Variants in TRIP11 observed in about 807,000 individuals in gnomAD.
TRIP11 encodes the protein thyroid receptor-interacting protein 11.
In TRIP11, 148 loss-of-function variants were observed where a neutral mutation model predicts 223.1. That is an observed-to-expected ratio of 0.66 (90% CI 0.58 to 0.76). The LOEUF (loss-of-function observed/expected upper bound fraction) is 0.76. Ranked by LOEUF, TRIP11 falls within the 30% of genes least tolerant of loss-of-function variation. The pLI is 0.00. For synonymous variants in TRIP11, 762 were observed against 772.6 expected, an observed-to-expected ratio of 0.99 and a Z score of 0.23; for missense variants, 2,043 against 2,222.0, an observed-to-expected ratio of 0.92 and a Z score of 1.62.
intron 17 of TRIP11, 50 bp from the exon 18 acceptor site, chr14:91,975,336 A>T (rs1236216793): frequency 2.6e-6 from 3 of 1,160,724 alleles, no homozygotes; most frequent in South Asian, 2.5e-5. Context: ...CATTAAGTAC[A>T]CTCAAACACT....
At chr14:91,970,394 C>T (rs566728050) in intron 20 of TRIP11, among the ~76,000 whole-genome samples, 21 of 151,318 alleles carry the variant, frequency 1.4e-4, no homozygotes, top group Non-Finnish European at 2.9e-4. Context: ...GCCTGGGTGG[C>T]AAGAGCAAAG....
Position 91,978,354 on chromosome 14 carries a change from A to C in TRIP11, c.5261-2165T>G, listed in dbSNP as rs1566844816. ...CTACAGAAAGATAGCAGAAAAACAGAGGTCAAGCTTAGCTAACCTACCTCC... is the reference window on the plus strand; with the variant it reads ...CTACAGAAAGATAGCAGAAAAACAGCGGTCAAGCTTAGCTAACCTACCTCC... On this transcript the variant is annotated intron_variant, in intron 16 of 20. Coordinates refer to ENST00000267622, the MANE Select transcript of TRIP11 (RefSeq NM_004239.4). The surrounding 1 kb of genome is among the most constrained non-coding windows in gnomAD (Gnocchi z 4.4). 6.6e-6 allele frequency among the ~76,000 whole-genome samples: 1 copy of C among 152,122 alleles called. No individual in the cohort carries two copies. Among genetic ancestry groups the C allele is most frequent in the Non-Finnish European group, 1.5e-5 (1 of 68,008 alleles).
chr14:91,981,116 A>G (rs1022853077), intron 16 of TRIP11, among the ~76,000 whole-genome samples: 2 of 145,424 alleles, frequency 1.4e-5, no homozygotes, highest in African/African-American at 2.6e-5. Context: ...CCCAGGTTCA[A>G]GCAATTCTCC....
chr14:92,009,732 C>T (rs2056948349), intron 9 of TRIP11, among the ~76,000 whole-genome samples: 1 of 152,142 alleles, frequency 6.6e-6, no homozygotes, highest in African/African-American at 2.4e-5. Context: ...TTGAGAAACA[C>T]TGCATATATA....
intron 4 of TRIP11, among the ~76,000 whole-genome samples, chr14:92,018,947 CAA>C (rs1214628276): frequency 1.0e-5 from 1 of 100,368 alleles, no homozygotes; most frequent in Non-Finnish European, 1.8e-5. Context: ...GTAGACAGAG[CAA>C]GACTCCATCT....
intron 6 of TRIP11, among the ~76,000 whole-genome samples, 192 bp downstream of exon 6, chr14:92,015,504 C>T (rs1273524862): frequency 6.6e-6 from 1 of 151,578 alleles, no homozygotes; most frequent in Non-Finnish European, 1.5e-5. Flanking sequence ...ACTAAAAATA[C>T]AAAAATTAGC....
chr14:91,984,864 A>G (rs2056586137), intron 16 of TRIP11, among the ~76,000 whole-genome samples: 1 of 152,232 alleles, frequency 6.6e-6, no homozygotes, highest in Non-Finnish European at 1.5e-5. Flanking sequence ...ATGGGATGGC[A>G]TGTGAAGTCT....
At chr14:92,021,272 C>G (rs1329439875) in intron 4 of TRIP11, among the ~76,000 whole-genome samples, 3 of 151,420 alleles carry the variant, frequency 2.0e-5, no homozygotes, top group Admixed American at 1.3e-4. Flanking sequence ...GCCTATAATC[C>G]CAGCTACTCA....
intron 16 of TRIP11, among the ~76,000 whole-genome samples, chr14:91,981,012 A>ATATTT (rs1301331303): frequency 6.0e-5 from 3 of 49,930 alleles, no homozygotes; most frequent in Non-Finnish European, 8.4e-5. Flanking sequence ...ATATATATAT[A>ATATTT]TTTTTTTTTT....
At chr14:91,987,412 C>T (rs945494882) in intron 16 of TRIP11, among the ~76,000 whole-genome samples, 24 of 152,156 alleles carry the variant, frequency 1.6e-4, no homozygotes, top group Admixed American at 1.3e-3. Flanking sequence ...CGGCTTGCCT[C>T]CCTAGTGTCT....
At chr14:92,024,620 C>A (rs922931398) in intron 3 of TRIP11, among the ~76,000 whole-genome samples, 1 of 152,026 alleles carries the variant, frequency 6.6e-6, no homozygotes, top group African/African-American at 2.4e-5. Flanking sequence ...ATTTTAAAAA[C>A]CCAAATATAA....
intron 13 of TRIP11, among the ~76,000 whole-genome samples, chr14:91,996,785 ATTAG>A (rs2056756780): frequency 6.6e-6 from 1 of 152,176 alleles, no homozygotes; most frequent in Non-Finnish European, 1.5e-5. Flanking sequence ...TGCTCTGAAT[ATTAG>A]TTATCTTTTA....
rs373789145 is a variant in TRIP11 at position 92,004,353 on chromosome 14, A to G, written c.3623T>C (p.Leu1208Pro). 25 of 1,614,090 alleles carry G rather than the reference A, an allele frequency of 1.5e-5. No individual in the cohort carries two copies. The highest frequency in any genetic ancestry group is 1.8e-5 in the Non-Finnish European group (21 of 1,180,012). ...CTGTTTTAACTTGTCACGTTCCTGT[A>G]GAAGCTCCTCAAATTGATTACTATT... is the stretch of plus-strand genomic sequence containing the variant. Reference protein sequence around the residue: ...GVNSNQFEELLQERDKLKQQV... With the variant: ...GVNSNQFEELPQERDKLKQQV... The change falls in exon 11 of 21, where the codon CTA becomes CCA. Residue 1208 changes from leucine to proline, a missense_variant. Leu to Pro is a moderately conservative substitution (Grantham distance 98). Coordinates refer to ENST00000267622, the MANE Select transcript of TRIP11 (RefSeq NM_004239.4).
chr14:91,982,146 A>G (rs2056553321), intron 16 of TRIP11, among the ~76,000 whole-genome samples: 2 of 152,194 alleles, frequency 1.3e-5, no homozygotes, highest in Admixed American at 1.3e-4. Flanking sequence ...CAGAGTTACT[A>G]TGTACACTTG....
chr14:92,016,847 T>C (rs1047537466), intron 5 of TRIP11, among the ~76,000 whole-genome samples: 1 of 152,136 alleles, frequency 6.6e-6, no homozygotes, highest in African/African-American at 2.4e-5. Context: ...TTCTATCCAC[T>C]CTAGTATTGT....
At chr14:91,983,935 T>C (rs552565508) in intron 16 of TRIP11, among the ~76,000 whole-genome samples, 1 of 152,356 alleles carries the variant, frequency 6.6e-6, no homozygotes, top group African/African-American at 2.4e-5. Flanking sequence ...TTTAAGCTTC[T>C]TTTATATCTG....
chr14:92,000,859 T>A (rs1428559286), intron 11 of TRIP11, among the ~76,000 whole-genome samples: 1 of 149,172 alleles, frequency 6.7e-6, no homozygotes, highest in African/African-American at 2.5e-5. Context: ...ACTTTCTTTT[T>A]TTTTCTTTTT....
chr14:91,977,286 C>G (rs1246173477), intron 16 of TRIP11: 1 of 445,574 alleles, frequency 2.2e-6, no homozygotes, highest in Non-Finnish European at 4.5e-6. Context: ...TTATGAAGTC[C>G]AATGTACTTT....
chr14:92,027,999 A>G (rs893300307), intron 2 of TRIP11, among the ~76,000 whole-genome samples: 1 of 152,270 alleles, frequency 6.6e-6, no homozygotes, highest in African/African-American at 2.4e-5. Context: ...CAATGGTCCC[A>G]ACAGCTGATT....
Sources: allele counts gnomAD v4.1 joint callset (sites outside exome capture counted in the v4.1 genomes callset), GRCh38; gene constraint gnomAD v4.1.1; non-coding constraint Gnocchi (gnomAD v3.1); transcripts MANE v1.5; gene names NCBI Gene and HGNC (gene_info 2026-07-23, HGNC 2026-07-21).